Variants in PCLO observed in about 807,000 individuals in gnomAD.
The protein encoded by PCLO is piccolo presynaptic cytomatrix protein, also known as protein piccolo.
In PCLO, 82 loss-of-function variants were observed where a neutral mutation model predicts 427.5. That is an observed-to-expected ratio of 0.19 (90% CI 0.16 to 0.23). The LOEUF (loss-of-function observed/expected upper bound fraction) is 0.23, where lower values mean the gene tolerates loss of function less well. Among genes scored for constraint, PCLO ranks in the 10% least tolerant of loss-of-function variants. PCLO has a pLI of 1.00. For missense variants in PCLO, 6,239 were observed against 6,115.9 expected, an observed-to-expected ratio of 1.02 and a Z score of -0.67; for synonymous variants, 2,357 against 2,155.4, an observed-to-expected ratio of 1.09 and a Z score of -2.59.
At chr7:82,842,603 A>C (rs1203316723) in intron 13 of PCLO, among the ~76,000 whole-genome samples, 2 of 152,120 alleles carry the variant, frequency 1.3e-5, no homozygotes, top group Non-Finnish European at 2.9e-5. Flanking sequence ...TGTTTCAATC[A>C]ACAGAGTGAA....
chr7:82,952,017 G>A lies in PCLO; in HGVS notation c.8936C>T (p.Ser2979Leu). The A allele has an allele frequency of 1.2e-6, 2 of 1,613,942 alleles. No individual in the cohort carries two copies. The highest frequency in any genetic ancestry group is 1.7e-6 in the Non-Finnish European group (2 of 1,179,840). Residue 2979 changes from serine to leucine, a missense_variant, in exon 5 of 25, where the codon TCA becomes TTA. Transcript: ENST00000333891. ...AATCCCTCTATAACCATATGGCCCT[G>A]ATCGATCATACTGATAGTGGTCATC... ...YRDDHYQYDR[S>L]GPYGYRGIGG... is the part of the protein sequence containing the mutation.
At chr7:82,893,030 C>G (rs897103566) in intron 9 of PCLO, among the ~76,000 whole-genome samples, 1 of 152,164 alleles carries the variant, frequency 6.6e-6, no homozygotes, top group Admixed American at 6.6e-5. Flanking sequence ...CCTCAGGGAT[C>G]TAGAACTGGA....
chr7:82,880,341 A>G, intron 9 of PCLO: 1 of 356,012 alleles, frequency 2.8e-6, no homozygotes, highest in East Asian at 7.5e-5. Flanking sequence ...TTTTAAGACC[A>G]TTATTTTGAA....
intron 20 of PCLO, among the ~76,000 whole-genome samples, chr7:82,811,380 C>T (rs1022255082): frequency 6.6e-6 from 1 of 151,384 alleles, no homozygotes; most frequent in Non-Finnish European, 1.5e-5. Context: ...TTCTTCCCTC[C>T]TCCTGTCTCT....
At chr7:82,978,134 C>T (rs1165737662) in intron 3 of PCLO, among the ~76,000 whole-genome samples, 1 of 151,222 alleles carries the variant, frequency 6.6e-6, no homozygotes, top group Non-Finnish European at 1.5e-5. Flanking sequence ...CATGACTCAC[C>T]TGTCATTTTT....
Position 82,955,341 on chromosome 7 carries a change from T to G in PCLO, c.5612A>C (p.Glu1871Ala). ...TTCTATTATTTTTTCCGGGCTTATT[T>G]CAAAACCTTCTGGGTCTGACTCTAT... ...PSIESDPEGF[E>A]ISPEKIIEVQ... The change falls in exon 5 of 25, where the codon GAA becomes GCA. Residue 1871 changes from glutamate (E) to alanine (A), a missense_variant. By Grantham distance (107) the Glu-to-Ala change is moderately radical. Transcript: ENST00000333891. 6.2e-7 allele frequency: 1 copy of G among 1,613,796 alleles called. No homozygotes were observed.
At chr7:83,006,126 T>C (rs957889791) in intron 3 of PCLO, among the ~76,000 whole-genome samples, 4 of 151,562 alleles carry the variant, frequency 2.6e-5, no homozygotes, top group African/African-American at 9.7e-5. Flanking sequence ...TTTAAGACAA[T>C]AACAGCACCA....
intron 3 of PCLO, among the ~76,000 whole-genome samples, chr7:83,085,982 G>T (rs867896991): frequency 6.6e-6 from 1 of 152,146 alleles, no homozygotes; most frequent in East Asian, 1.9e-4. Context: ...TTTGCCAAAT[G>T]TGACTTGATG....
chr7:82,845,579 A>C, intron 12 of PCLO, 94 bp from the exon 13 acceptor site: 1 of 776,364 alleles, frequency 1.3e-6, no homozygotes, highest in Admixed American at 2.5e-5. Flanking sequence ...AAGGTAAAAC[A>C]TTACCTATAA....
chr7:83,050,718 G>A (rs1462796652), intron 3 of PCLO, among the ~76,000 whole-genome samples: 3 of 148,622 alleles, frequency 2.0e-5, no homozygotes, highest in Non-Finnish European at 4.4e-5. Context: ...CTGGCCAACA[G>A]GGTAAAAAAC....
At chr7:82,783,062 A>G (rs747087198) in intron 22 of PCLO, among the ~76,000 whole-genome samples, 19 of 152,210 alleles carry the variant, frequency 1.2e-4, no homozygotes, top group Non-Finnish European at 2.5e-4. Flanking sequence ...TAGGCCTCAA[A>G]GGAGCCAGCA....
At chr7:83,146,077 C>T (rs1020393941) in intron 2 of PCLO, among the ~76,000 whole-genome samples, 2 of 152,172 alleles carry the variant, frequency 1.3e-5, no homozygotes, top group African/African-American at 4.8e-5. Context: ...ATATAAAGTG[C>T]TTCGTGCACA....
At chr7:83,038,317 A>C (rs150958348) in intron 3 of PCLO, among the ~76,000 whole-genome samples, 1 of 150,904 alleles carries the variant, frequency 6.6e-6, no homozygotes, top group African/African-American at 2.4e-5. Context: ...TCAACTTTAG[A>C]ATTATTTTTA....
intron 3 of PCLO, among the ~76,000 whole-genome samples, chr7:83,120,272 C>T (rs147007728): frequency 0.019 from 2,888 of 151,590 alleles, 84 homozygotes; most frequent in African/African-American, 0.064. Flanking sequence ...TGTGATGGCA[C>T]GCACCTGTAA....
chr7:82,782,365 C>T (rs1790891160), intron 22 of PCLO, among the ~76,000 whole-genome samples: 1 of 152,006 alleles, frequency 6.6e-6, no homozygotes, highest in Admixed American at 6.6e-5. Context: ...CTTCCTTTTC[C>T]AGAAAAAAAT....
At chr7:82,784,803 A>G (rs10269491) in intron 22 of PCLO, among the ~76,000 whole-genome samples, 55,234 of 152,042 alleles carry the variant, frequency 0.36, 10,683 homozygotes, top group African/African-American at 0.47. Flanking sequence ...ATTTGTACTC[A>G]TTTATTTCTC....
At chr7:82,919,154 T>A (rs1229439345) in intron 6 of PCLO, among the ~76,000 whole-genome samples, 1 of 151,972 alleles carries the variant, frequency 6.6e-6, no homozygotes, top group Non-Finnish European at 1.5e-5. Context: ...TATTGATGGG[T>A]GCCGCAAACC....
At position 82,852,504 on chromosome 7, in the gene PCLO, T is replaced by C. The variant is rs139766727; in HGVS notation, c.13655-5257A>G. On this transcript the variant is annotated intron_variant, in intron 10 of 24. Transcript: ENST00000333891. ...TGCTTCCTGCCCTAGAACATCAGACTCCAAGTTCTTTAGCTTTTGGACTCT... is the reference window on the plus strand; with the variant it reads ...TGCTTCCTGCCCTAGAACATCAGACCCCAAGTTCTTTAGCTTTTGGACTCT... Among the ~76,000 whole-genome samples, 396 of 152,216 alleles carry C rather than the reference T, an allele frequency of 2.6e-3. 4 individuals carry two copies. The highest frequency in any genetic ancestry group is 9.1e-3 in the African/African-American group (378 of 41,564).
In PCLO at chr7:82,794,459, C is replaced by G. The variant is rs202118516; in HGVS notation, c.15007+7059G>C. Among the ~76,000 whole-genome samples the G allele has an allele frequency of 1.1e-4, 6 of 56,370 alleles. 1 individual carries two copies. The highest frequency in any genetic ancestry group is 2.7e-4 in the African/African-American group (6 of 22,584). The allele number at this position is 56,370 out of a possible 152,430, so 37.0% of individuals were successfully genotyped here. A position where few individuals can be genotyped will look rare whatever the true frequency, so the allele number is the denominator to read the frequency against. ...ACATGCTAGTTCATAAATTTTTTTT[C>G]TTTTTTTTTTTTTTTTTTTTTTTTT... is the stretch of plus-strand genomic sequence containing the variant. On this transcript the variant is annotated intron_variant, in intron 22 of 24. Coordinates refer to ENST00000333891, the MANE Select transcript of PCLO (RefSeq NM_033026.6).
Sources: allele counts gnomAD v4.1 joint callset (sites outside exome capture counted in the v4.1 genomes callset), GRCh38; gene constraint gnomAD v4.1.1; transcripts MANE v1.5; gene names NCBI Gene and HGNC (gene_info 2026-07-23, HGNC 2026-07-21).